The following IKZF2 variants were observed in gnomAD, a reference collection of about 807,000 sequenced individuals.
IKZF2 encodes IKAROS family zinc finger 2, also known as zinc finger protein Helios.
Under a neutral mutation model 49.2 loss-of-function variants are expected in IKZF2, and 15 were observed. That is an observed-to-expected ratio of 0.30 (90% CI 0.20 to 0.47). The LOEUF is 0.47. Ranked by LOEUF, IKZF2 falls within the 20% of genes least tolerant of loss-of-function variation. The probability of loss-of-function intolerance (pLI) is 1.00; values close to 1 mark genes in which losing one functional copy is unlikely to be tolerated. For synonymous variants in IKZF2, 227 were observed against 221.4 expected, an observed-to-expected ratio of 1.03 and a Z score of -0.23; for missense variants, 567 against 664.6, an observed-to-expected ratio of 0.85 and a Z score of 1.61.
chr2:213,078,334 CA>C (rs1232994693), intron 4 of IKZF2, among the ~76,000 whole-genome samples: 2 of 152,142 alleles, frequency 1.3e-5, no homozygotes, highest in Non-Finnish European at 2.9e-5. Flanking sequence ...TTCACAGCAA[CA>C]ATTACTATAT....
rs1034319371 is a variant in IKZF2, at chr2:213,001,948, T to A, written c.*5412A>T. On this transcript the variant is annotated 3_prime_UTR_variant, in exon 9 of 9. Transcript: ENST00000434687. ...CCCTTGTTACAGTGTAGTCATTTTTTAAAAAATCAATTTCCAGTAAATTAA... is the reference window on the plus strand; with the variant it reads ...CCCTTGTTACAGTGTAGTCATTTTTAAAAAAATCAATTTCCAGTAAATTAA... 6.5e-4 allele frequency: 99 copies of A among 151,798 alleles called. No homozygotes were observed. Among genetic ancestry groups the A allele is most frequent in the African/African-American group, 2.1e-3 (87 of 41,516 alleles). The allele number at this position is 151,798 out of a possible 1,614,324, so 9.4% of individuals were successfully genotyped here.
chr2:213,052,014 T>C (rs1700719762), intron 5 of IKZF2, among the ~76,000 whole-genome samples: 1 of 152,032 alleles, frequency 6.6e-6, no homozygotes, highest in African/African-American at 2.4e-5. Flanking sequence ...TAGTTCATTC[T>C]TCAAAAATAA....
intron 7 of IKZF2, among the ~76,000 whole-genome samples, chr2:213,016,069 T>A (rs1574488142): frequency 6.6e-6 from 1 of 152,264 alleles, no homozygotes; most frequent in African/African-American, 2.4e-5. Flanking sequence ...TCTGATCTAA[T>A]TTCTACTTTA....
At chr2:213,134,871 C>T (rs536044875) in intron 4 of IKZF2, among the ~76,000 whole-genome samples, 3 of 152,140 alleles carry the variant, frequency 2.0e-5, no homozygotes, top group Non-Finnish European at 4.4e-5. Context: ...TGCTCTATTG[C>T]TCTCTCCAGT....
At chr2:213,117,904 C>A (rs1421998315) in intron 4 of IKZF2, among the ~76,000 whole-genome samples, 1 of 152,112 alleles carries the variant, frequency 6.6e-6, no homozygotes, top group Non-Finnish European at 1.5e-5. Context: ...AAAGGACATT[C>A]TTTAACCCCT....
At chr2:213,135,734 G>A (rs2060632615) in intron 4 of IKZF2, among the ~76,000 whole-genome samples, 1 of 151,336 alleles carries the variant, frequency 6.6e-6, no homozygotes, top group Non-Finnish European at 1.5e-5. Context: ...AGAAAAGAAA[G>A]AGAGAAAGAA....
At chr2:213,099,200 C>G (rs539126400) in intron 4 of IKZF2, among the ~76,000 whole-genome samples, 2 of 152,108 alleles carry the variant, frequency 1.3e-5, no homozygotes, top group African/African-American at 4.8e-5. Flanking sequence ...AAGTCAGCCT[C>G]CTCCCCCCAT....
At chr2:213,031,633 G>GGAAGCAAAATGGGAC (rs1559183553) in intron 6 of IKZF2, among the ~76,000 whole-genome samples, 1 of 151,994 alleles carries the variant, frequency 6.6e-6, no homozygotes, top group Admixed American at 6.6e-5. Flanking sequence ...CCTAAAATAA[G>GGAAGCAAAATGGGAC]GAAGCAAAAT....
chr2:213,059,389 T>C (rs1415937764), intron 4 of IKZF2, among the ~76,000 whole-genome samples: 2 of 151,746 alleles, frequency 1.3e-5, no homozygotes, highest in African/African-American at 4.8e-5. Flanking sequence ...TCCTGGATTC[T>C]ATATCTTGCA....
chr2:213,022,826 T>C (rs913655682), intron 6 of IKZF2, among the ~76,000 whole-genome samples: 7 of 152,120 alleles, frequency 4.6e-5, no homozygotes, highest in African/African-American at 1.4e-4. Flanking sequence ...GACAGTAATA[T>C]TTTCCAAAAC....
chr2:213,046,404 A>G (rs1700160522), intron 6 of IKZF2, among the ~76,000 whole-genome samples: 1 of 152,152 alleles, frequency 6.6e-6, no homozygotes, highest in Non-Finnish European at 1.5e-5. Flanking sequence ...CTCATGGGGT[A>G]TTCTCAGTGA....
chr2:213,083,437 C>A (rs1704200816), intron 4 of IKZF2, among the ~76,000 whole-genome samples: 4 of 136,198 alleles, frequency 2.9e-5, no homozygotes, highest in Admixed American at 8.1e-5. Context: ...GTTGCCCAGG[C>A]TGGAGTGCAA....
intron 7 of IKZF2, chr2:213,021,666 A>G: frequency 2.3e-6 from 1 of 443,816 alleles, no homozygotes; most frequent in South Asian, 1.7e-5. Flanking sequence ...TATTCAAATA[A>G]CCAATTCATT....
At chr2:213,144,498 C>G (rs1268704603) in intron 4 of IKZF2, among the ~76,000 whole-genome samples, 1 of 151,800 alleles carries the variant, frequency 6.6e-6, no homozygotes, top group Non-Finnish European at 1.5e-5. Flanking sequence ...AATGAGCTAA[C>G]CAAGAAACAG....
chr2:213,111,732 A>C (rs2059709694), intron 4 of IKZF2, among the ~76,000 whole-genome samples: 1 of 152,108 alleles, frequency 6.6e-6, no homozygotes, highest in Non-Finnish European at 1.5e-5. Context: ...ACTATGAAGA[A>C]GTTTCCCTTT....
At chr2:213,136,095 G>A (rs2060653133) in intron 4 of IKZF2, among the ~76,000 whole-genome samples, 2 of 150,428 alleles carry the variant, frequency 1.3e-5, no homozygotes, top group African/African-American at 2.4e-5. Flanking sequence ...AAGAGCCGGG[G>A]GCAGTGGCTT....
At chr2:213,128,578 T>C (rs2060347276) in intron 4 of IKZF2, among the ~76,000 whole-genome samples, 2 of 152,064 alleles carry the variant, frequency 1.3e-5, no homozygotes. Context: ...GAGTGTATCA[T>C]GTAAAGCAAG....
intron 4 of IKZF2, among the ~76,000 whole-genome samples, chr2:213,116,309 T>G (rs1022789893): frequency 6.6e-6 from 1 of 152,332 alleles, no homozygotes; most frequent in East Asian, 1.9e-4. Flanking sequence ...TAATTTCTAT[T>G]ATACAATCCC....
At chr2:213,124,284 A>G (rs2060179650) in intron 4 of IKZF2, among the ~76,000 whole-genome samples, 3 of 146,808 alleles carry the variant, frequency 2.0e-5, no homozygotes, top group African/African-American at 5.3e-5. Flanking sequence ...ACACACACAC[A>G]CACACACACA....
Sources: allele counts gnomAD v4.1 joint callset (sites outside exome capture counted in the v4.1 genomes callset), GRCh38; gene constraint gnomAD v4.1.1; transcripts MANE v1.5; gene names NCBI Gene and HGNC (gene_info 2026-07-23, HGNC 2026-07-21).